USP28: variants seen among roughly 807,000 people sequenced by gnomAD.
The protein encoded by USP28 is ubiquitin specific peptidase 28.
A neutral mutation model predicts 145.0 loss-of-function variants in USP28; 113 were observed. The observed-to-expected ratio is 0.78, with a 90% CI of 0.67 to 0.91. USP28 has a LOEUF of 0.91. Among genes scored for constraint, USP28 ranks in the 40% least tolerant of loss-of-function variants. The pLI is 0.00. For synonymous variants in USP28, 447 were observed against 450.9 expected (o/e 0.99, Z 0.11); for missense variants, 1,201 against 1,289.6 (o/e 0.93, Z 1.05).
intron 22 of USP28, among the ~76,000 whole-genome samples, 183 bp from the exon 24 acceptor site, chr11:113,803,464 A>T (rs1368306570): frequency 6.6e-6 from 1 of 152,122 alleles, no homozygotes; most frequent in East Asian, 1.9e-4. Context: ...CAAATATGAA[A>T]CTTCCCTAGG....
At chr11:113,853,514 G>A (rs924266914) in intron 2 of USP28, among the ~76,000 whole-genome samples, 2 of 151,878 alleles carry the variant, frequency 1.3e-5, no homozygotes, top group Non-Finnish European at 2.9e-5. Flanking sequence ...CTATACTCTC[G>A]TAGATATTCT....
At chr11:113,840,673 G>A (rs1274413127) in exon 5 of USP28, 1 of 1,614,186 alleles carries the variant, frequency 6.2e-7, no homozygotes, top group Non-Finnish European at 8.5e-7. Context: ...CTCTCCTCCA[G>A]TCATTGGGAT....
intron 1 of USP28, among the ~76,000 whole-genome samples, chr11:113,860,754 G>A (rs1947583810): frequency 6.7e-6 from 1 of 149,852 alleles, no homozygotes; most frequent in Admixed American, 6.7e-5. Flanking sequence ...GGGAGGCGGA[G>A]CTTGAAGTGA....
At chr11:113,873,770 T>TAC (rs1949051991) in intron 1 of USP28, among the ~76,000 whole-genome samples, 1 of 107,546 alleles carries the variant, frequency 9.3e-6, no homozygotes, top group African/African-American at 3.5e-5. Flanking sequence ...TCTAACAATA[T>TAC]TTCCATTAGA....
At chr11:113,799,720 T>C (rs1938595523) in intron 24 of USP28, among the ~76,000 whole-genome samples, 3 of 152,244 alleles carry the variant, frequency 2.0e-5, no homozygotes, top group Admixed American at 6.5e-5. Flanking sequence ...AATTATTTTC[T>C]TTCAAATGTT....
intron 18 of USP28, 83 bp from the exon 20 acceptor site, chr11:113,806,667 AG>A (rs1350378239): frequency 6.1e-6 from 6 of 980,918 alleles, no homozygotes; most frequent in East Asian, 2.6e-5. Context: ...GGCTGAACAG[AG>A]TGCTAAAGGG....
intron 9 of USP28, among the ~76,000 whole-genome samples, chr11:113,830,211 T>A (rs1285448090): frequency 3.3e-5 from 5 of 152,206 alleles, no homozygotes; most frequent in African/African-American, 1.2e-4. Context: ...TTTCTATTTT[T>A]AAAAAATTAT....
At position 113,867,524 on chromosome 11, in the gene USP28, C is replaced by T. The variant is rs1301282589; in HGVS notation, c.57+7921G>A. 2.0e-5 allele frequency among the ~76,000 whole-genome samples: 3 copies of T among 151,490 alleles called. No homozygotes were observed. The East Asian group carries it at 5.8e-4, about 29-fold the overall frequency. ...CTCAGTGAGCCACCTCACCCAGCCC[C>T]ACTTTAAAATAATTTTATGTTATAT... is the stretch of plus-strand genomic sequence containing the variant. On this transcript the variant is annotated intron_variant, in intron 1 of 24. Coordinates refer to ENST00000003302, the Ensembl canonical transcript of USP28.
chr11:113,801,544 A>C, exon 24 of USP28: 3 of 1,609,378 alleles, frequency 1.9e-6, no homozygotes, highest in Non-Finnish European at 2.6e-6. Flanking sequence ...TGGCATCCAG[A>C]TCATCCTTGG....
intron 17 of USP28, 96 bp downstream of exon 17, chr11:113,808,967 G>A: frequency 1.7e-6 from 2 of 1,180,750 alleles, no homozygotes; most frequent in Non-Finnish European, 2.4e-6. Context: ...TGTGAAGACT[G>A]TGGCATCACC....
chr11:113,851,204 T>C (rs920379124), intron 3 of USP28, among the ~76,000 whole-genome samples: 8 of 151,902 alleles, frequency 5.3e-5, no homozygotes, highest in African/African-American at 1.7e-4. Flanking sequence ...CACTACCTCC[T>C]CCCCCACATT....
chr11:113,824,242 GAT>G (rs1476297133), intron 11 of USP28, among the ~76,000 whole-genome samples: 2 of 152,164 alleles, frequency 1.3e-5, no homozygotes, highest in African/African-American at 4.8e-5. Context: ...ACTGTTGAGA[GAT>G]ATTAATAAGG....
intron 1 of USP28, chr11:113,874,657 T>A: frequency 1.6e-6 from 2 of 1,271,154 alleles, no homozygotes. Context: ...TGTTAAGTTA[T>A]AACATTCCGA....
intron 5 of USP28, among the ~76,000 whole-genome samples, chr11:113,837,157 T>TATTCAGCTAGTTCATC (rs1314242445): frequency 6.6e-6 from 1 of 152,244 alleles, no homozygotes; most frequent in Non-Finnish European, 1.5e-5. Flanking sequence ...ATACACATTT[T>TATTCAGCTAGTTCATC]ATTCAGCTAG....
At chr11:113,874,764 A>G in intron 1 of USP28, 1 of 1,160,090 alleles carries the variant, frequency 8.6e-7, no homozygotes, top group Non-Finnish European at 1.1e-6. Context: ...CACTCTCACC[A>G]GATTCTTAGA....
At chr11:113,804,023 C>A in intron 21 of USP28, 146 bp from the exon 23 acceptor site, 1 of 662,846 alleles carries the variant, frequency 1.5e-6, no homozygotes, top group Non-Finnish European at 2.5e-6. Flanking sequence ...CAGATAAAAA[C>A]CTACTCAACA....
At chr11:113,803,429 T>C (rs1939399999) in intron 22 of USP28, 148 bp from the exon 24 acceptor site, 6 of 936,820 alleles carry the variant, frequency 6.4e-6, no homozygotes, top group Non-Finnish European at 9.1e-6. Context: ...TCATCTCTTC[T>C]ACAAATTGGC....
chr11:113,820,329 A>C (rs1457685900), intron 12 of USP28: 3 of 152,262 alleles, frequency 2.0e-5, no homozygotes, highest in Non-Finnish European at 4.4e-5. Context: ...AGGAAGAATG[A>C]GCAATGTCCT....
intron 10 of USP28, among the ~76,000 whole-genome samples, chr11:113,828,507 T>G (rs144484843): frequency 6.6e-6 from 1 of 152,342 alleles, no homozygotes; most frequent in African/African-American, 2.4e-5. Context: ...CTATTTTAAT[T>G]CAGGAAAGCT....
Sources: gnomAD v4.1 joint callset for allele counts (sites outside exome capture counted in the v4.1 genomes callset) on GRCh38, gnomAD v4.1.1 for gene constraint, MANE v1.5 for transcripts, NCBI Gene and HGNC (gene_info 2026-07-23, HGNC 2026-07-21) for gene names.